The following MAD1L1 variants were observed in gnomAD, a reference collection of about 807,000 sequenced individuals.
MAD1L1 encodes the protein mitotic spindle assembly checkpoint protein MAD1.
MAD1L1 carries 95 observed loss-of-function variants against 96.9 expected under a neutral mutation model. That is an observed-to-expected ratio of 0.98 (90% CI 0.83 to 1.16). MAD1L1 has a LOEUF of 1.16. MAD1L1 is among the 50% of genes most tolerant of loss of function. The probability of loss-of-function intolerance (pLI) is 0.00; values close to 1 mark genes in which losing one functional copy is unlikely to be tolerated. For missense variants in MAD1L1, 1,007 were observed against 954.4 expected, an observed-to-expected ratio of 1.06 and a Z score of -0.73; for synonymous variants, 473 against 396.6, an observed-to-expected ratio of 1.19 and a Z score of -2.29.
chr7:2,018,826 G>A (rs1258446276), intron 12 of MAD1L1, among the ~76,000 whole-genome samples: 7 of 126,408 alleles, frequency 5.5e-5, no homozygotes, highest in East Asian at 2.5e-4. Flanking sequence ...CCCTCCCTCC[G>A]CCCCCTCCAG....
chr7:2,047,831 CCA>C (rs1266735606), intron 12 of MAD1L1, among the ~76,000 whole-genome samples: 2 of 152,192 alleles, frequency 1.3e-5, no homozygotes, highest in Admixed American at 6.5e-5. Flanking sequence ...AGAGCTGACT[CCA>C]CAGACACATG....
intron 12 of MAD1L1, among the ~76,000 whole-genome samples, chr7:2,029,808 C>A (rs1001264842): frequency 6.6e-6 from 1 of 151,980 alleles, no homozygotes; most frequent in African/African-American, 2.4e-5. Context: ...AGGAGCCCAG[C>A]AAGTTTCTAG....
chr7:2,094,523 C>T lies in MAD1L1; in HGVS notation c.1074-25185G>A, dbSNP rs188276604. Among the ~76,000 whole-genome samples the T allele has an allele frequency of 2.7e-3, 409 of 152,310 alleles. 2 individuals are homozygous for T. Among genetic ancestry groups the T allele is most frequent in the Non-Finnish European group, 3.0e-3 (203 of 68,022 alleles). ...GGGAACAGACAGTCATGATGTTTCA[C>T]AGGTGGGCAGGGAAGGCCCACGAGG... On this transcript the variant is annotated intron_variant, in intron 11 of 18. Coordinates refer to ENST00000265854, the MANE Select transcript of MAD1L1 (RefSeq NM_001013836.2).
rs149483196 is a variant in MAD1L1 at position 1,927,830 on chromosome 7, G to A, written c.1807+8857C>T. Among the ~76,000 whole-genome samples, 236 of 152,320 alleles carry A rather than the reference G, an allele frequency of 1.5e-3. 3 individuals are homozygous for A. The highest frequency in any genetic ancestry group is 5.0e-3 in the African/African-American group (206 of 41,570). ...AAACCTGATCATCAGCATGCACCCA[G>A]ATGAAAAGCATTTGCTCCGAGGAAC... On this transcript the variant is annotated intron_variant, in intron 17 of 18. Transcript: ENST00000265854.
chr7:1,951,574 T>C (rs918297022), intron 16 of MAD1L1, among the ~76,000 whole-genome samples: 46 of 152,112 alleles, frequency 3.0e-4, no homozygotes, highest in Non-Finnish European at 1.5e-4. Context: ...CCCACATCCA[T>C]CAACACTCAC....
intron 11 of MAD1L1, among the ~76,000 whole-genome samples, chr7:2,110,898 C>G (rs2128555798): frequency 6.6e-6 from 1 of 152,232 alleles, no homozygotes; most frequent in African/African-American, 2.4e-5. Flanking sequence ...CCCAGCAGAG[C>G]CGAGGAGATG....
intron 18 of MAD1L1, among the ~76,000 whole-genome samples, chr7:1,833,975 C>G (rs1782826816): frequency 6.6e-6 from 1 of 152,074 alleles, no homozygotes; most frequent in African/African-American, 2.4e-5. Context: ...TTAGACCGTT[C>G]CGAGAATGTT....
At chr7:2,144,583 G>A (rs903303609) in intron 11 of MAD1L1, among the ~76,000 whole-genome samples, 1 of 152,162 alleles carries the variant, frequency 6.6e-6, no homozygotes. Flanking sequence ...GGCCACAGAG[G>A]ACTGCAGCCT....
chr7:1,994,848 T>A (rs1781490264), intron 14 of MAD1L1, among the ~76,000 whole-genome samples: 1 of 152,164 alleles, frequency 6.6e-6, no homozygotes, highest in Non-Finnish European at 1.5e-5. Flanking sequence ...TTTGTTTTAT[T>A]TTATTTTTTT....
chr7:2,032,714 C>T lies in MAD1L1; in HGVS notation c.1219-18072G>A, dbSNP rs963005964. Among the ~76,000 whole-genome samples, 16 of 152,200 alleles carry T rather than the reference C, an allele frequency of 1.1e-4. No individual in the cohort carries two copies. The East Asian group carries it at 3.1e-3, about 29-fold the overall frequency. On this transcript the variant is annotated intron_variant, in intron 12 of 18. Transcript: ENST00000265854. The stretch of plus-strand genomic sequence containing the variant: ...TGTGCTGCTTCTGGCATTTTGAATT[C>T]GCGCCCAGGGCTGTGGGCTCCCACC...
At chr7:2,074,414 C>G (rs997555380) in intron 11 of MAD1L1, among the ~76,000 whole-genome samples, 6 of 152,196 alleles carry the variant, frequency 3.9e-5, no homozygotes, top group African/African-American at 1.4e-4. Flanking sequence ...TGTAGACACT[C>G]AGAGATGGGC....
At chr7:1,921,458 G>A (rs1788789692) in intron 17 of MAD1L1, among the ~76,000 whole-genome samples, 1 of 151,962 alleles carries the variant, frequency 6.6e-6, no homozygotes, top group Non-Finnish European at 1.5e-5. Flanking sequence ...ACCTGTAGCT[G>A]GGACTACAGA....
chr7:1,936,762 T>C lies in MAD1L1; in HGVS notation c.1732A>G (p.Met578Val), dbSNP rs753206612. 1.1e-5 allele frequency: 17 copies of C among 1,571,786 alleles called. No homozygotes were observed. The highest frequency in any genetic ancestry group is 1.3e-5 in the Non-Finnish European group (15 of 1,159,828). The change falls in exon 17 of 19, where the codon ATG becomes GTG. Residue 578 changes from methionine (M) to valine (V), a missense_variant. Coordinates refer to ENST00000265854, the MANE Select transcript of MAD1L1 (RefSeq NM_001013836.2). ...CERLRGLLRA[M>V]ERGGTVPADL... is the part of the protein sequence containing the mutation. ...GCTGGGACGGTGCCTCCTCTCTCCATGGCGCGCAGGAGCCCGCGCAGTCGC... is the reference window on the plus strand; with the variant it reads ...GCTGGGACGGTGCCTCCTCTCTCCACGGCGCGCAGGAGCCCGCGCAGTCGC...
chr7:2,232,120 G>T (rs892550241), intron 1 of MAD1L1, among the ~76,000 whole-genome samples: 3 of 152,184 alleles, frequency 2.0e-5, no homozygotes, highest in Non-Finnish European at 4.4e-5. Flanking sequence ...CAACACCGGC[G>T]CTTACTATGG....
chr7:2,112,827 T>A (rs1328853765), intron 11 of MAD1L1, among the ~76,000 whole-genome samples: 1 of 150,452 alleles, frequency 6.6e-6, no homozygotes, highest in Non-Finnish European at 1.5e-5. Context: ...AGGAAAAACA[T>A]CTAAGTTTAG....
intron 16 of MAD1L1, among the ~76,000 whole-genome samples, chr7:1,943,622 G>A (rs888390952): frequency 3.3e-5 from 5 of 152,178 alleles, no homozygotes; most frequent in African/African-American, 7.2e-5. Flanking sequence ...ACACGTTGGT[G>A]AGGATGGGGA....
At chr7:2,091,759 G>C (rs1190088202) in intron 11 of MAD1L1, among the ~76,000 whole-genome samples, 4 of 148,540 alleles carry the variant, frequency 2.7e-5, no homozygotes, top group East Asian at 3.9e-4. Flanking sequence ...CTGGGCGACA[G>C]AGCGAGACTC....
chr7:1,854,502 ACTGT>A (rs1784145213), intron 18 of MAD1L1: 4 of 388,738 alleles, frequency 1.0e-5, no homozygotes, highest in South Asian at 1.8e-5. Flanking sequence ...GAGCTTTCTC[ACTGT>A]CTGTCACACG....
At chr7:2,196,568 C>T (rs1791996074) in intron 10 of MAD1L1, among the ~76,000 whole-genome samples, 1 of 152,198 alleles carries the variant, frequency 6.6e-6, no homozygotes, top group South Asian at 2.1e-4. Flanking sequence ...GTCACAGCGT[C>T]GCCAGAGCCA....
Sources: gnomAD v4.1 joint callset for allele counts (sites outside exome capture counted in the v4.1 genomes callset) on GRCh38, gnomAD v4.1.1 for gene constraint, MANE v1.5 for transcripts, NCBI Gene and HGNC (gene_info 2026-07-23, HGNC 2026-07-21) for gene names.